The following ARHGAP12 variants were observed in gnomAD, a reference collection of about 807,000 sequenced individuals.
ARHGAP12 encodes Rho GTPase activating protein 12.
Under a neutral mutation model 108.6 loss-of-function variants are expected in ARHGAP12, and 64 were observed. The ratio of observed to expected loss-of-function variants is 0.59; its 90% CI spans 0.48 to 0.73. ARHGAP12 has a LOEUF of 0.73. Ranked by LOEUF, ARHGAP12 falls within the 30% of genes least tolerant of loss-of-function variation. The probability of loss-of-function intolerance (pLI) is 0.00; values close to 1 mark genes in which losing one functional copy is unlikely to be tolerated. For synonymous variants in ARHGAP12, 312 were observed against 337.2 expected, an observed-to-expected ratio of 0.93 and a Z score of 0.82; for missense variants, 940 against 1,005.9, an observed-to-expected ratio of 0.93 and a Z score of 0.89.
chr10:31,895,782 A>G (rs1838658357), intron 3 of ARHGAP12, among the ~76,000 whole-genome samples: 1 of 152,176 alleles, frequency 6.6e-6, no homozygotes, highest in Non-Finnish European at 1.5e-5. Context: ...ATAAAGACAC[A>G]TGCACACGTA....
chr10:31,867,565 TG>T (rs1482369579), intron 3 of ARHGAP12, among the ~76,000 whole-genome samples: 1 of 152,206 alleles, frequency 6.6e-6, no homozygotes, highest in African/African-American at 2.4e-5. Context: ...ACCAAAAATA[TG>T]TTTTTTTAAC....
intron 1 of ARHGAP12, among the ~76,000 whole-genome samples, chr10:31,921,404 A>C (rs1161508882): frequency 6.6e-6 from 1 of 152,216 alleles, no homozygotes; most frequent in Non-Finnish European, 1.5e-5. Context: ...TGCCAGAAAA[A>C]ACACAAAGTC....
intron 11 of ARHGAP12, among the ~76,000 whole-genome samples, chr10:31,825,779 G>GT (rs1835582113): frequency 6.6e-6 from 1 of 152,128 alleles, no homozygotes; most frequent in Non-Finnish European, 1.5e-5. Flanking sequence ...GAAGAGTAGA[G>GT]TAATGATAGT....
chr10:31,844,561 C>G (rs1836381440), intron 6 of ARHGAP12, among the ~76,000 whole-genome samples: 1 of 152,032 alleles, frequency 6.6e-6, no homozygotes, highest in Non-Finnish European at 1.5e-5. Flanking sequence ...GAGACAGGGT[C>G]CCTCTCTGGT....
At chr10:31,901,911 A>ATTTGTGAT (rs1838944807) in intron 3 of ARHGAP12, among the ~76,000 whole-genome samples, 12 of 152,140 alleles carry the variant, frequency 7.9e-5, no homozygotes, top group Non-Finnish European at 1.5e-5. Flanking sequence ...CCTCTCTCTT[A>ATTTGTGAT]TAAAGACATT....
intron 4 of ARHGAP12, among the ~76,000 whole-genome samples, chr10:31,858,886 T>C (rs1837000684): frequency 6.6e-6 from 1 of 151,922 alleles, no homozygotes; most frequent in South Asian, 2.1e-4. Context: ...TCTAAACCAG[T>C]ATGGTGCAGA....
At chr10:31,837,366 A>T (rs889112379) in intron 9 of ARHGAP12, among the ~76,000 whole-genome samples, 1 of 152,236 alleles carries the variant, frequency 6.6e-6, no homozygotes, top group African/African-American at 2.4e-5. Context: ...TACTGTGCAA[A>T]TAATGCAAAA....
intron 9 of ARHGAP12, among the ~76,000 whole-genome samples, chr10:31,838,717 G>C (rs370774003): frequency 2.6e-5 from 4 of 151,588 alleles, no homozygotes; most frequent in African/African-American, 9.7e-5. Context: ...TGTGATCCCA[G>C]CTACTCGGCA....
intron 7 of ARHGAP12, among the ~76,000 whole-genome samples, 184 bp downstream of exon 7, chr10:31,843,277 T>TA (rs1836334554): frequency 6.6e-6 from 1 of 152,066 alleles, no homozygotes; most frequent in Admixed American, 6.6e-5. Context: ...TGCAATTTGG[T>TA]AAAAGAAACA....
chr10:31,877,108 T>C (rs1837760956), intron 3 of ARHGAP12, among the ~76,000 whole-genome samples: 1 of 152,230 alleles, frequency 6.6e-6, no homozygotes, highest in African/African-American at 2.4e-5. Context: ...GAAAAATCTG[T>C]GGCAGATCTA....
In ARHGAP12 at chr10:31,808,701, A is replaced by G. The variant is rs774153319; in HGVS notation, c.2314T>C (p.Leu772=). 4 of 1,613,880 alleles carry G rather than the reference A, an allele frequency of 2.5e-6. No individual in the cohort carries two copies. The highest frequency in any genetic ancestry group is 1.1e-5 in the South Asian group (1 of 91,072). ...ATTGTGTCTTGGTTTGGCTTTGGCA[A>G]CTGTCTGATTAGGTCCTTAACAGCA... ...VAAVKDLIRQ[L]PKPNQDTMQI... The change falls in exon 19 of 20, where the codon TTG becomes CTG. Residue 772 remains leucine, a synonymous_variant. Transcript: ENST00000344936.
rs374627947 is a variant in ARHGAP12, at chr10:31,899,117, G to A, written c.684+9055C>T. Among the ~76,000 whole-genome samples the A allele has an allele frequency of 1.3e-3, 192 of 152,254 alleles. 2 individuals are homozygous for A. In the Middle Eastern group the frequency reaches 0.014, roughly 11 times the overall value. On this transcript the variant is annotated intron_variant, in intron 3 of 19. Coordinates refer to ENST00000344936, the MANE Select transcript of ARHGAP12 (RefSeq NM_018287.7). ...CCACTAAAATAAAAGGTCCAGAATCGGAAAATCTATGGAGATAGAGAATAG... is the reference window on the plus strand; with the variant it reads ...CCACTAAAATAAAAGGTCCAGAATCAGAAAATCTATGGAGATAGAGAATAG...
intron 3 of ARHGAP12, among the ~76,000 whole-genome samples, chr10:31,905,970 TC>T (rs976218097): frequency 2.2e-4 from 33 of 151,482 alleles, no homozygotes; most frequent in African/African-American, 7.3e-4. Flanking sequence ...CCCTGTGTAG[TC>T]TCCTCCCACA....
At chr10:31,900,112 GA>G (rs1194243739) in intron 3 of ARHGAP12, among the ~76,000 whole-genome samples, 1 of 152,156 alleles carries the variant, frequency 6.6e-6, no homozygotes, top group Non-Finnish European at 1.5e-5. Flanking sequence ...ATAAGCATAT[GA>G]AAAGATGCTC....
At chr10:31,816,365 C>A (rs73253313) in intron 13 of ARHGAP12, among the ~76,000 whole-genome samples, 7,674 of 152,052 alleles carry the variant, frequency 0.05, 644 homozygotes, top group African/African-American at 0.17. Flanking sequence ...AATGCTGTAC[C>A]CCCCTACCAT....
rs1276831181 is a variant in ARHGAP12, at chr10:31,861,398, T to C, written c.945A>G (p.Gln315=). ...TTGATTCCTTAATTACTCATACCTC[T>C]TGATCCCCTGGATTTTGGAAATCTC... ...SKGDFQNPGD[Q]ELLSSEENYY... Residue 315 remains glutamine, a synonymous_variant, in exon 4 of 20, where the codon CAA becomes CAG. Coordinates refer to ENST00000344936, the MANE Select transcript of ARHGAP12 (RefSeq NM_018287.7). 6.2e-7 allele frequency: 1 copy of C among 1,610,856 alleles called. No individual in the cohort carries two copies. Among genetic ancestry groups the C allele is most frequent in the African/African-American group, 1.3e-5 (1 of 74,702 alleles).
chr10:31,919,618 G>A (rs1251574062), intron 1 of ARHGAP12, among the ~76,000 whole-genome samples: 2 of 149,758 alleles, frequency 1.3e-5, no homozygotes, highest in Non-Finnish European at 3.0e-5. Context: ...CGGTGAAACC[G>A]TCTCTACTAA....
At chr10:31,889,967 A>T (rs1838350831) in intron 3 of ARHGAP12, among the ~76,000 whole-genome samples, 1 of 152,116 alleles carries the variant, frequency 6.6e-6, no homozygotes, top group African/African-American at 2.4e-5. Flanking sequence ...ATTCTCATAC[A>T]TACTTGTACT....
At chr10:31,858,739 A>G (rs1836993226) in intron 4 of ARHGAP12, among the ~76,000 whole-genome samples, 1 of 152,156 alleles carries the variant, frequency 6.6e-6, no homozygotes, top group African/African-American at 2.4e-5. Flanking sequence ...AAGAGCCAAC[A>G]GTTGCTCCCT....
Sources: gnomAD v4.1 joint callset for allele counts (sites outside exome capture counted in the v4.1 genomes callset) on GRCh38, gnomAD v4.1.1 for gene constraint, MANE v1.5 for transcripts, NCBI Gene and HGNC (gene_info 2026-07-23, HGNC 2026-07-21) for gene names.